XKR3: variants seen among roughly 807,000 people sequenced by gnomAD.
The protein encoded by XKR3 is XK related 3.
Under a neutral mutation model 40.3 loss-of-function variants are expected in XKR3, and 27 were observed. The ratio of observed to expected loss-of-function variants is 0.67; its 90% CI spans 0.49 to 0.92. The LOEUF (loss-of-function observed/expected upper bound fraction) is 0.92. Ranked by LOEUF, XKR3 falls within the 40% of genes least tolerant of loss-of-function variation. The pLI is 0.00. For synonymous variants in XKR3, 193 were observed against 195.4 expected (o/e 0.99, Z 0.10); for missense variants, 472 against 537.6 (o/e 0.88, Z 1.21).
At chr22:16,790,342 G>GAAAAAAAAAAAAAA (rs35876120) in intron 3 of XKR3, among the ~76,000 whole-genome samples, 1 of 124,534 alleles carries the variant, frequency 8.0e-6, no homozygotes. Flanking sequence ...CTTCCACGCA[G>GAAAAAAAAAAAAAA]AAAAAAAAAA....
intron 3 of XKR3, among the ~76,000 whole-genome samples, chr22:16,798,070 C>A (rs527717520): frequency 6.6e-6 from 1 of 151,036 alleles, no homozygotes; most frequent in South Asian, 2.1e-4. Flanking sequence ...ATCACAGGTA[C>A]CTGGGAGGCT....
In XKR3 at chr22:16,815,399, G is replaced by A. The variant is rs536868740; in HGVS notation, c.-10-7316C>T. Among the ~76,000 whole-genome samples the A allele has an allele frequency of 2.6e-5, 4 of 152,062 alleles. No homozygotes were observed. The South Asian group carries it at 6.2e-4, about 24-fold the overall frequency. On this transcript the variant is annotated intron_variant, in intron 1 of 3. Transcript: ENST00000684488. ...CTGTATTCATGAAATATATTTGTCTGTAACATTCTTTTCTTCTACAATCTT... is the reference window on the plus strand; with the variant it reads ...CTGTATTCATGAAATATATTTGTCTATAACATTCTTTTCTTCTACAATCTT...
chr22:16,790,042 G>C (rs2146142911), intron 3 of XKR3, among the ~76,000 whole-genome samples: 1 of 152,274 alleles, frequency 6.6e-6, no homozygotes, highest in East Asian at 1.9e-4. Flanking sequence ...TGGGGTCTGA[G>C]TCAGGAGGAT....
intron 2 of XKR3, among the ~76,000 whole-genome samples, chr22:16,806,820 TA>T: frequency 6.6e-6 from 1 of 152,102 alleles, no homozygotes. Context: ...TGTATTAACC[TA>T]AAATGTAAAT....
intron 3 of XKR3, among the ~76,000 whole-genome samples, chr22:16,791,949 G>A (rs2060121631): frequency 6.6e-6 from 1 of 150,982 alleles, no homozygotes; most frequent in Admixed American, 6.6e-5. Context: ...TTTTGTTGTT[G>A]TTGTTGGAGG....
chr22:16,823,702 G>C (rs1402050380), intron 1 of XKR3, among the ~76,000 whole-genome samples: 1 of 152,034 alleles, frequency 6.6e-6, no homozygotes, highest in Non-Finnish European at 1.5e-5. Context: ...CAAAAGAATA[G>C]AGTTTACCTA....
chr22:16,809,189 T>C (rs1321416469), intron 1 of XKR3, among the ~76,000 whole-genome samples: 1 of 152,218 alleles, frequency 6.6e-6, no homozygotes, highest in African/African-American at 2.4e-5. Context: ...TGCTGCAGAA[T>C]ATTAAATTCC....
chr22:16,810,001 C>A (rs1375732396), intron 1 of XKR3, among the ~76,000 whole-genome samples: 7 of 152,240 alleles, frequency 4.6e-5, no homozygotes, highest in Non-Finnish European at 1.0e-4. Flanking sequence ...TTCTGCCCGC[C>A]TCAGGCTCCC....
chr22:16,814,338 G>GA (rs1288691046), intron 1 of XKR3, among the ~76,000 whole-genome samples: 2 of 152,056 alleles, frequency 1.3e-5, no homozygotes, highest in Non-Finnish European at 2.9e-5. Flanking sequence ...ACACAGGTGG[G>GA]AAGGCTTCTT....
In XKR3 at chr22:16,791,810, AG is replaced by A. The variant is rs2060119947; in HGVS notation, c.590-7402del. 6.2e-5 allele frequency among the ~76,000 whole-genome samples: 3 copies of A among 48,422 alleles called. No individual in the cohort carries two copies. The East Asian group carries it at 2.4e-3, about 39-fold the overall frequency. The allele number at this position is 48,422 out of a possible 152,430, so 31.8% of individuals were successfully genotyped here. A position where few individuals can be genotyped will look rare whatever the true frequency, so the allele number is the denominator to read the frequency against. The stretch of plus-strand genomic sequence containing the variant: ...GAGAGAGAGAGAGAGAGAGAGAGAG[AG>A]AAAGAGAGAGAGAGAGAGAGAGACT... On this transcript the variant is annotated intron_variant, in intron 3 of 3. Transcript: ENST00000684488.
intron 3 of XKR3, among the ~76,000 whole-genome samples, chr22:16,791,696 A>C (rs2060116512): frequency 6.7e-6 from 1 of 149,758 alleles, no homozygotes; most frequent in Non-Finnish European, 1.5e-5. Context: ...ATAGAGAAAG[A>C]AAGGAGGCAG....
intron 1 of XKR3, among the ~76,000 whole-genome samples, chr22:16,814,886 C>T (rs946729560): frequency 6.6e-6 from 1 of 151,458 alleles, no homozygotes; most frequent in Non-Finnish European, 1.5e-5. Context: ...ATCATGTCAT[C>T]TGCAAACAGA....
intron 2 of XKR3, among the ~76,000 whole-genome samples, chr22:16,804,193 C>T (rs1217125921): frequency 6.6e-6 from 1 of 151,992 alleles, no homozygotes; most frequent in African/African-American, 2.4e-5. Flanking sequence ...AAAGCTAGTA[C>T]AATATTTCAT....
chr22:16,803,072 A>G (rs2060175852), intron 2 of XKR3, among the ~76,000 whole-genome samples: 1 of 94,084 alleles, frequency 1.1e-5, no homozygotes. Context: ...AGTGTCCTCA[A>G]TTGACATATA....
intron 1 of XKR3, among the ~76,000 whole-genome samples, chr22:16,812,829 C>CT (rs1274902776): frequency 1.3e-5 from 2 of 152,134 alleles, no homozygotes; most frequent in African/African-American, 2.4e-5. Flanking sequence ...TCCCCCTTTC[C>CT]TAGAGCCCTT....
chr22:16,797,145 C>A (rs1232716092), intron 3 of XKR3, among the ~76,000 whole-genome samples: 1 of 152,122 alleles, frequency 6.6e-6, no homozygotes, highest in African/African-American at 2.4e-5. Context: ...GAACTCCTAC[C>A]TTTCACCATA....
intron 1 of XKR3, among the ~76,000 whole-genome samples, chr22:16,816,517 A>G (rs73159897): frequency 0.064 from 9,659 of 151,854 alleles, 398 homozygotes; most frequent in Middle Eastern, 0.11. Context: ...CCCCACAAAA[A>G]AAAACCCACA....
Position 16,798,698 on chromosome 22 carries a change from C to A in XKR3, c.589+1073G>T, listed in dbSNP as rs148871758. Among the ~76,000 whole-genome samples, 677 of 152,270 alleles carry A rather than the reference C, an allele frequency of 4.4e-3. 6 individuals are homozygous for A. Among genetic ancestry groups the A allele is most frequent in the African/African-American group, 0.016 (655 of 41,542 alleles). On this transcript the variant is annotated intron_variant, in intron 3 of 3. Transcript: ENST00000684488. ...GTCATATAAAATAAATAAATCATGT[C>A]GTTTGCATCAACATAAATGCAGGTG...
chr22:16,788,424 A>AC (rs1366238602), intron 3 of XKR3, among the ~76,000 whole-genome samples: 2 of 152,146 alleles, frequency 1.3e-5, no homozygotes, highest in Non-Finnish European at 2.9e-5. Context: ...ATAATCAGAG[A>AC]CAAAAAAGGA....
Sources: allele counts gnomAD v4.1 joint callset (sites outside exome capture counted in the v4.1 genomes callset), GRCh38; gene constraint gnomAD v4.1.1; transcripts MANE v1.5; gene names NCBI Gene and HGNC (gene_info 2026-07-23, HGNC 2026-07-21).